The following PCDHAC2 variants were observed in gnomAD, a reference collection of about 807,000 sequenced individuals.
The protein encoded by PCDHAC2 is protocadherin alpha-C2.
Under a neutral mutation model 63.3 loss-of-function variants are expected in PCDHAC2, and 24 were observed. The observed-to-expected ratio is 0.38, with a 90% confidence interval of 0.27 to 0.53. PCDHAC2 has a LOEUF of 0.53. Among genes scored for constraint, PCDHAC2 ranks in the 20% least tolerant of loss-of-function variants. The probability of loss-of-function intolerance (pLI) is 0.81; values close to 1 mark genes in which losing one functional copy is unlikely to be tolerated. For missense variants in PCDHAC2, 1,181 were observed against 1,275.2 expected (o/e 0.93, Z 1.12); for synonymous variants, 569 against 529.4 (o/e 1.07, Z -1.03).
At position 140,969,170 on chromosome 5, in the gene PCDHAC2, G is replaced by A; in HGVS notation, c.2404G>A (p.Gly802Arg). 1 of 1,614,114 alleles carries A rather than the reference G, an allele frequency of 6.2e-7. No individual in the cohort carries two copies. The change falls in exon 1 of 4, where the codon GGG becomes AGG. Residue 802 changes from glycine to arginine, a missense_variant. Coordinates refer to ENST00000289269, the MANE Select transcript of PCDHAC2 (RefSeq NM_018899.6). The part of the protein sequence containing the change: ...CYKACLTAGS[G>R]SDTFMFYNTG... ...CAAGGCCTGTCTGACAGCAGGCTCA[G>A]GGAGTGACACTTTCATGTTTTACAA...
chr5:140,970,193 G>C (rs1243334467), intron 1 of PCDHAC2, among the ~76,000 whole-genome samples: 2 of 152,166 alleles, frequency 1.3e-5, no homozygotes, highest in African/African-American at 4.8e-5. Context: ...ATTGTAAGAG[G>C]ATTTCCCTGA....
intron 3 of PCDHAC2, among the ~76,000 whole-genome samples, chr5:140,985,773 T>C (rs945442566): frequency 7.2e-6 from 1 of 138,872 alleles, no homozygotes; most frequent in South Asian, 2.4e-4. Context: ...ACAGTCTCGC[T>C]CTGTCGCCCA....
At position 140,968,521 on chromosome 5, in the gene PCDHAC2, C is replaced by G; in HGVS notation, c.1755C>G (p.Thr585=). ...HAPHILYPTS[T]NSSAAFEMVP... ...CTCACATTCTGTACCCTACCTCAACCAACTCGTCAGCAGCCTTCGAGATGG... is the reference window on the plus strand; with the variant it reads ...CTCACATTCTGTACCCTACCTCAACGAACTCGTCAGCAGCCTTCGAGATGG... Residue 585 remains threonine (T), a synonymous_variant, in exon 1 of 4, where the codon ACC becomes ACG. Coordinates refer to ENST00000289269, the MANE Select transcript of PCDHAC2 (RefSeq NM_018899.6). The G allele has an allele frequency of 6.2e-7, 1 of 1,614,180 alleles. No individual in the cohort carries two copies. The highest frequency in any genetic ancestry group is 8.5e-7 in the Non-Finnish European group (1 of 1,180,040).
Position 140,967,218 on chromosome 5 carries a change from C to T in PCDHAC2, c.452C>T (p.Pro151Leu). Residue 151 changes from proline to leucine, a missense_variant, in exon 1 of 4, where the codon CCC becomes CTC. Physicochemically the swap from Pro to Leu is moderately conservative, Grantham distance 98. Coordinates refer to ENST00000289269, the MANE Select transcript of PCDHAC2 (RefSeq NM_018899.6). Reference protein sequence around the residue: ...INDNSPRFPRPNYQLQVSESV... With the variant: ...INDNSPRFPRLNYQLQVSESV... The stretch of plus-strand genomic sequence containing the variant: ...GACAACTCACCGCGTTTCCCGCGGC[C>T]CAACTACCAGCTTCAGGTAAGCGAA... 3 of 1,613,744 alleles carry T rather than the reference C, an allele frequency of 1.9e-6. No homozygotes were observed. The highest frequency in any genetic ancestry group is 1.1e-5 in the South Asian group (1 of 91,082).
chr5:141,005,333 A>T (rs1554260005), intron 3 of PCDHAC2, among the ~76,000 whole-genome samples: 1 of 152,224 alleles, frequency 6.6e-6, no homozygotes, highest in Non-Finnish European at 1.5e-5. Flanking sequence ...TAATAGGCCA[A>T]GGGGGTGCTG....
chr5:140,967,728 G>T lies in PCDHAC2; in HGVS notation c.962G>T (p.Gly321Val). 6.2e-7 allele frequency: 1 copy of T among 1,614,176 alleles called. No homozygotes were observed. The highest frequency in any genetic ancestry group is 2.2e-5 in the East Asian group (1 of 44,878). The change falls in exon 1 of 4, where the codon GGG (glycine) becomes GTG (valine). Residue 321 changes from glycine (G) to valine (V), a missense_variant. Gly to Val is a moderately radical substitution (Grantham distance 109). Transcript: ENST00000289269. Reference sequence around the variant, plus strand: ...AGTACCGGGGAAGTGCGAGTAATTGGGGGGCTGGATTATGAGGAAGCCTCC... The same window carrying T: ...AGTACCGGGGAAGTGCGAGTAATTGTGGGGCTGGATTATGAGGAAGCCTCC... ...DASTGEVRVIGGLDYEEASSY... is the reference protein window; with the variant it reads ...DASTGEVRVIVGLDYEEASSY...
chr5:140,967,535 T>C lies in PCDHAC2; in HGVS notation c.769T>C (p.Phe257Leu). Residue 257 changes from phenylalanine (F) to leucine (L), a missense_variant, in exon 1 of 4, where the codon TTT becomes CTT. This residue lies in a region of PCDHAC2 where 968 missense variants were observed against 1,073.5 expected (regional missense o/e 0.90). Coordinates refer to ENST00000289269, the MANE Select transcript of PCDHAC2 (RefSeq NM_018899.6). ...VLDTNDNSPA[F>L]DQSTYRVQLR... is the part of the protein sequence containing the mutation. ...GGACACTAACGACAACTCTCCTGCC[T>C]TTGACCAGTCCACTTATCGCGTCCA... is the stretch of plus-strand genomic sequence containing the variant. 1.9e-6 allele frequency: 3 copies of C among 1,613,746 alleles called. No homozygotes were observed. The highest frequency in any genetic ancestry group is 2.5e-6 in the Non-Finnish European group (3 of 1,179,792).
rs782751899 is a variant in PCDHAC2 at position 140,967,272 on chromosome 5, T to G, written c.506T>G (p.Ile169Arg). The G allele has an allele frequency of 1.2e-6, 2 of 1,613,412 alleles. No homozygotes were observed. Among genetic ancestry groups the G allele is most frequent in the East Asian group, 2.2e-5 (1 of 44,860 alleles). Residue 169 changes from isoleucine to arginine, a missense_variant, in exon 1 of 4, where the codon ATA becomes AGA. Ile to Arg is a moderately conservative substitution (Grantham distance 97). Transcript: ENST00000289269. ...GTGGCGCCTGGAGCGCGCTTTCACA[T>G]AGAGAGTGCGCAGGACCCCGACGTG... ...ESVAPGARFH[I>R]ESAQDPDVGA...
intron 1 of PCDHAC2, among the ~76,000 whole-genome samples, chr5:140,978,150 C>A (rs1009630892): frequency 6.6e-6 from 1 of 152,168 alleles, no homozygotes; most frequent in Non-Finnish European, 1.5e-5. Context: ...TTGTTCTCCC[C>A]CTTCAGACTG....
chr5:140,968,814 G>A lies in PCDHAC2; in HGVS notation c.2048G>A (p.Arg683Lys). 24 of 1,614,232 alleles carry A rather than the reference G, an allele frequency of 1.5e-5. No homozygotes were observed. The highest frequency in any genetic ancestry group is 1.9e-5 in the Non-Finnish European group (23 of 1,180,042). ...GCCATTACAGTAGCTGTGGTGGATA[G>A]GGTTTCCAAAATCCTCCCTGACACT... ...SVAITVAVVD[R>K]VSKILPDTQR... Residue 683 changes from arginine (R) to lysine (K), a missense_variant, in exon 1 of 4, where the codon AGG becomes AAG. This residue lies in a region of PCDHAC2 where 968 missense variants were observed against 1,073.5 expected (regional missense o/e 0.90). Transcript: ENST00000289269.
Position 140,966,575 on chromosome 5 carries a change from A to C in PCDHAC2, c.-192A>C, listed in dbSNP as rs2096022921. The C allele has an allele frequency of 1.9e-6, 1 of 520,380 alleles. No homozygotes were observed. The highest frequency in any genetic ancestry group is 3.2e-6 in the Non-Finnish European group (1 of 316,982). 32.2% of individuals were successfully genotyped at this position (520,380 alleles called of 1,614,324 possible). ...CGGAGGAGCTGGAATATGGGGAGTC[A>C]GCGAGGACGGTGGGGCCAGGAGCCC... On this transcript the variant is annotated 5_prime_UTR_variant, in exon 1 of 4. Coordinates refer to ENST00000289269, the MANE Select transcript of PCDHAC2 (RefSeq NM_018899.6).
In PCDHAC2 at chr5:141,003,361, G is replaced by A. The variant is rs2098120892; in HGVS notation, c.2714-6266G>A. Among the ~76,000 whole-genome samples the A allele has an allele frequency of 5.9e-5, 9 of 152,298 alleles. No individual in the cohort carries two copies. The South Asian group carries it at 1.9e-3, about 32-fold the overall frequency. On this transcript the variant is annotated intron_variant, in intron 3 of 3. Coordinates refer to ENST00000289269, the MANE Select transcript of PCDHAC2 (RefSeq NM_018899.6). ...TTTGTTTGCTCTGTCACCCAGGCTG[G>A]AGTGCAGTGGTGCAATCTCAGCTCA...
Position 140,969,039 on chromosome 5 carries a change from A to G in PCDHAC2, c.2273A>G (p.Lys758Arg). 6.2e-7 allele frequency: 1 copy of G among 1,614,130 alleles called. No individual in the cohort carries two copies. The highest frequency in any genetic ancestry group is 8.5e-7 in the Non-Finnish European group (1 of 1,180,008). Residue 758 changes from lysine to arginine, a missense_variant, in exon 1 of 4, where the codon AAA becomes AGA. By Grantham distance (26) the Lys-to-Arg change is conservative (BLOSUM62 2). Coordinates refer to ENST00000289269, the MANE Select transcript of PCDHAC2 (RefSeq NM_018899.6). ...GAAAGGTCCCCTGCAGAACTGTACA[A>G]ACAAGCCAACAACAATATTGATGCC... ...VRERSPAELY[K>R]QANNNIDARI...
Position 140,968,150 on chromosome 5 carries a change from A to G in PCDHAC2, c.1384A>G (p.Ile462Val), listed in dbSNP as rs1554230413. The G allele has an allele frequency of 1.2e-6, 2 of 1,614,180 alleles. No individual in the cohort carries two copies. Among genetic ancestry groups the G allele is most frequent in the Admixed American group, 1.7e-5 (1 of 60,024 alleles). ...TACACTGAAGGTTGAGATCTCTGAC[A>G]TCAATGACAATCCACCAAGCTTCCT... ...LRTLKVEISDINDNPPSFLED... is the reference protein window; with the variant it reads ...LRTLKVEISDVNDNPPSFLED... Residue 462 changes from isoleucine to valine, a missense_variant, in exon 1 of 4, where the codon ATC becomes GTC. Ile to Val is a conservative substitution (Grantham distance 29, BLOSUM62 3). Coordinates refer to ENST00000289269, the MANE Select transcript of PCDHAC2 (RefSeq NM_018899.6).
intron 3 of PCDHAC2, among the ~76,000 whole-genome samples, chr5:141,003,829 A>G (rs1220753607): frequency 1.3e-5 from 2 of 152,184 alleles, no homozygotes; most frequent in Admixed American, 6.5e-5. Flanking sequence ...GGCTCTGCCT[A>G]ACGATTCAGA....
Position 140,967,749 on chromosome 5 carries a change from C to A in PCDHAC2, c.983C>A (p.Ala328Asp), listed in dbSNP as rs1554229896. ...ATTGGGGGGCTGGATTATGAGGAAG[C>A]CTCCTCCTACCAGATCTATGTGCAG... ...RVIGGLDYEE[A>D]SSYQIYVQAT... is the part of the protein sequence containing the mutation. Residue 328 changes from alanine to aspartate, a missense_variant, in exon 1 of 4, where the codon GCC (alanine) becomes GAC (aspartate). Transcript: ENST00000289269. The A allele has an allele frequency of 1.2e-6, 2 of 1,614,172 alleles. No homozygotes were observed. The highest frequency in any genetic ancestry group is 1.7e-6 in the Non-Finnish European group (2 of 1,180,040).
intron 3 of PCDHAC2, among the ~76,000 whole-genome samples, chr5:140,998,707 A>G (rs1230153468): frequency 6.6e-6 from 1 of 151,942 alleles, no homozygotes; most frequent in African/African-American, 2.4e-5. Flanking sequence ...TGGGATTACA[A>G]GCTTGCACCA....
rs2098419589 is a variant in PCDHAC2 at position 141,011,142 on chromosome 5, C to A, written c.*1205C>A. 1 of 153,660 alleles carries A rather than the reference C, an allele frequency of 6.5e-6. No individual in the cohort carries two copies. The highest frequency in any genetic ancestry group is 2.1e-4 in the South Asian group (1 of 4,820). 9.5% of individuals were successfully genotyped at this position (153,660 alleles called of 1,614,324 possible). On this transcript the variant is annotated 3_prime_UTR_variant, in exon 4 of 4. Transcript: ENST00000289269. ...CAATTATGTGCACTTTGATACACAA[C>A]CTTCTCTAACCAACTATATATCAAG...
intron 3 of PCDHAC2, among the ~76,000 whole-genome samples, chr5:141,008,708 T>G (rs1197464501): frequency 1.3e-5 from 2 of 152,210 alleles, no homozygotes; most frequent in African/African-American, 4.8e-5. Flanking sequence ...GGTTTCTAGT[T>G]GCTTGAGTGT....
Sources: allele counts gnomAD v4.1 joint callset (sites outside exome capture counted in the v4.1 genomes callset), GRCh38; gene constraint gnomAD v4.1.1; regional missense constraint gnomAD v4.1.1; transcripts MANE v1.5; gene names NCBI Gene and HGNC (gene_info 2026-07-23, HGNC 2026-07-21).